SLK: variants seen among roughly 807,000 people sequenced by gnomAD.
SLK encodes STE20 like kinase, also known as STE20-like serine/threonine-protein kinase.
SLK carries 67 observed loss-of-function variants against 147.7 expected under a neutral mutation model. The ratio of observed to expected loss-of-function variants is 0.45; its 90% CI spans 0.37 to 0.56. The LOEUF is 0.56. Ranked by LOEUF, SLK falls within the 20% of genes least tolerant of loss-of-function variation. SLK has a pLI of 0.00. For synonymous variants in SLK, 441 were observed against 475.0 expected (o/e 0.93, Z 0.93); for missense variants, 1,136 against 1,438.8 (o/e 0.79, Z 3.41).
intron 1 of SLK, chr10:103,974,833 T>TCTA (rs963097183): frequency 8.9e-6 from 1 of 111,796 alleles, no homozygotes; most frequent in African/African-American, 3.5e-5. Flanking sequence ...TCTATTTTTT[T>TCTA]TTTTTTTTTT....
At chr10:103,976,476 G>GTAA (rs1843872517) in intron 1 of SLK, among the ~76,000 whole-genome samples, 1 of 151,546 alleles carries the variant, frequency 6.6e-6, no homozygotes, top group Non-Finnish European at 1.5e-5. Flanking sequence ...GAGTATAAGT[G>GTAA]GTTTTATTTA....
At position 104,003,129 on chromosome 10, in the gene SLK, A is replaced by G. The variant is rs768972185; in HGVS notation, c.1951A>G (p.Met651Val). The change falls in exon 9 of 19, where the codon ATG becomes GTG. Residue 651 changes from methionine to valine, a missense_variant. This residue lies in a region of SLK where 516 missense variants were observed against 531.3 expected (regional missense o/e 0.97). Transcript: ENST00000369755. ...CACTGAGTCAAGTAGCACTGAAGAA[A>G]TGGAGGTCAGAAGTGTGGTGGCTGA... ...EITESSSTEE[M>V]EVRSVVADTD... 6.2e-7 allele frequency: 1 copy of G among 1,614,198 alleles called. No individual in the cohort carries two copies.
intron 1 of SLK, among the ~76,000 whole-genome samples, chr10:103,986,668 GTTTTTTTTTTT>G (rs759976399): frequency 6.2e-5 from 6 of 97,244 alleles, no homozygotes; most frequent in African/African-American, 1.3e-4. Flanking sequence ...TATGTGAAGA[GTTTTTTTTTTT>G]TTTTTTTTTT....
intron 11 of SLK, 46 bp downstream of exon 11, chr10:104,006,081 A>G (rs1339454313): frequency 6.3e-7 from 1 of 1,575,248 alleles, no homozygotes; most frequent in Non-Finnish European, 8.6e-7. Flanking sequence ...TGTGTTAATA[A>G]TGACATTTAC....
intron 18 of SLK, among the ~76,000 whole-genome samples, chr10:104,022,603 G>A (rs1011391183): frequency 6.6e-5 from 10 of 152,168 alleles, no homozygotes; most frequent in African/African-American, 2.4e-4. Flanking sequence ...TGAGTTCATA[G>A]TGTGGCTTTT....
In SLK at chr10:104,002,380, T is replaced by C. The variant is rs776464740; in HGVS notation, c.1202T>C (p.Ile401Thr). 2.5e-6 allele frequency: 4 copies of C among 1,613,490 alleles called. No individual in the cohort carries two copies. In the East Asian group the frequency reaches 8.9e-5, roughly 36 times the overall value. The change falls in exon 9 of 19, where the codon ATT becomes ACT. Residue 401 changes from isoleucine to threonine, a missense_variant. By Grantham distance (89) the Ile-to-Thr change is moderately conservative. Transcript: ENST00000369755. ...EKAVEDINEH[I>T]TDAQLEAMTE... ...GCTGTGGAGGATATTAATGAACATA[T>C]TACCGATGCTCAGTTAGAAGCAATG...
At position 103,992,459 on chromosome 10, in the gene SLK, C is replaced by T. The variant is rs960863511; in HGVS notation, c.316-139C>T. The T allele has an allele frequency of 8.8e-5, 63 of 715,408 alleles. 1 individual carries two copies. The Middle Eastern group carries it at 1.5e-3, about 18-fold the overall frequency. 44.3% of individuals were successfully genotyped at this position (715,408 alleles called of 1,614,324 possible). A position where few individuals can be genotyped will look rare whatever the true frequency, so the allele number is the denominator to read the frequency against. ...TTTGTAACTCTTTTGACAAAATCTT[C>T]GTTTAGTATATCGTTTCCATAACCA... On this transcript the variant is annotated intron_variant, in intron 2 of 18. Coordinates refer to ENST00000369755, the MANE Select transcript of SLK (RefSeq NM_014720.4).
chr10:104,003,294 C>G lies in SLK; in HGVS notation c.2116C>G (p.Gln706Glu). 6.2e-7 allele frequency: 1 copy of G among 1,614,078 alleles called. No homozygotes were observed. The highest frequency in any genetic ancestry group is 8.5e-7 in the Non-Finnish European group (1 of 1,179,938). ...TGTAGTTTCACAGCCCACTGAACCT[C>G]AGCCTGTTCTAATACCCAGTATTAA... ...VTVVSQPTEPQPVLIPSININ... is the reference protein window; with the variant it reads ...VTVVSQPTEPEPVLIPSININ... Residue 706 changes from glutamine to glutamate, a missense_variant, in exon 9 of 19, where the codon CAG (glutamine) becomes GAG (glutamate). Transcript: ENST00000369755.
intron 7 of SLK, among the ~76,000 whole-genome samples, chr10:104,000,616 A>G (rs1844233150): frequency 6.6e-6 from 1 of 152,244 alleles, no homozygotes; most frequent in Non-Finnish European, 1.5e-5. Flanking sequence ...TGTTGAGTAT[A>G]CAAAGATGAG....
Position 104,021,554 on chromosome 10 carries a change from T to G in SLK, c.3448-66T>G. On this transcript the variant is annotated intron_variant, in intron 17 of 18. Coordinates refer to ENST00000369755, the MANE Select transcript of SLK (RefSeq NM_014720.4). ...ATGAGTAATTTATTATTATGGAAGA[T>G]AATTGTATTTGTGAAAAATTGCTTA... The G allele has an allele frequency of 2.5e-6, 2 of 806,946 alleles. 1 individual carries two copies. The highest frequency in any genetic ancestry group is 5.0e-5 in the East Asian group (2 of 40,074). The allele number at this position is 806,946 out of a possible 1,614,324, so 50.0% of individuals were successfully genotyped here.
chr10:104,006,049 G>C lies in SLK; in HGVS notation c.2604+14G>C, dbSNP rs1589540403. 10 of 1,603,670 alleles carry C rather than the reference G, an allele frequency of 6.2e-6. No individual in the cohort carries two copies. The highest frequency in any genetic ancestry group is 1.7e-4 in the Middle Eastern group (1 of 6,058). On this transcript the variant is annotated intron_variant, in intron 11 of 18. Coordinates refer to ENST00000369755, the MANE Select transcript of SLK (RefSeq NM_014720.4). ...CAGGAAATGATGGTAAAGTCTGATT[G>C]TTATACCATTTTATATCATTTTGTG...
At chr10:104,025,549 A>G (rs1339001220) in intron 18 of SLK, 25 bp from the exon 19 acceptor site, 1 of 1,610,244 alleles carries the variant, frequency 6.2e-7, no homozygotes, top group African/African-American at 1.3e-5. Context: ...GCACATAGCA[A>G]TTTCTTTTTC....
At position 104,006,013 on chromosome 10, in the gene SLK, G is replaced by A. The variant is rs763187071; in HGVS notation, c.2582G>A (p.Arg861Gln). Residue 861 changes from arginine to glutamine, a missense_variant, in exon 11 of 19, where the codon CGG (arginine) becomes CAG (glutamine). Transcript: ENST00000369755. ...CAGCAACAACGAGAACAAATTTTCCGGCGCTTTGAGCAGGAAATGATGGTA... is the reference window on the plus strand; with the variant it reads ...CAGCAACAACGAGAACAAATTTTCCAGCGCTTTGAGCAGGAAATGATGGTA... Reference protein sequence around the residue: ...KLQQQREQIFRRFEQEMMSKK... With the variant: ...KLQQQREQIFQRFEQEMMSKK... 6 of 1,612,424 alleles carry A rather than the reference G, an allele frequency of 3.7e-6. No individual in the cohort carries two copies. Among genetic ancestry groups the A allele is most frequent in the Non-Finnish European group, 5.1e-6 (6 of 1,179,546 alleles).
Position 103,999,922 on chromosome 10 carries a change from AG to A in SLK, c.840del (p.Arg280SerfsTer24). The A allele has an allele frequency of 6.4e-7, 1 of 1,559,062 alleles. No homozygotes were observed. Among genetic ancestry groups the A allele is most frequent in the Non-Finnish European group, 8.8e-7 (1 of 1,138,772 alleles). On this transcript the variant is annotated frameshift_variant, in exon 7 of 19. Transcript: ENST00000369755. LOFTEE classifies it high-confidence loss of function. ...KKCLEKNVDA[R>X]WTTSQLLQHP... is the part of the protein sequence containing the mutation. The stretch of plus-strand genomic sequence containing the variant: ...ATGCTTAGAAAAGAATGTGGATGCC[AG>A]GTGGACTACATCTCAGCTGCTGCAG...
At chr10:104,009,586 GC>G (rs1844373035) in intron 12 of SLK, among the ~76,000 whole-genome samples, 1 of 151,894 alleles carries the variant, frequency 6.6e-6, no homozygotes, top group South Asian at 2.1e-4. Context: ...CATTACTGGG[GC>G]TACATGTTAA....
At chr10:104,001,038 GAT>G (rs1405174463) in intron 7 of SLK, among the ~76,000 whole-genome samples, 2 of 114,586 alleles carry the variant, frequency 1.7e-5, no homozygotes, top group Non-Finnish European at 3.3e-5. Flanking sequence ...TAGCCTGAGT[GAT>G]AGAGTGAGAC....
Position 104,018,178 on chromosome 10 carries a change from A to G in SLK, c.2896A>G (p.Lys966Glu). Residue 966 changes from lysine to glutamate, a missense_variant, in exon 14 of 19, where the codon AAA becomes GAA. By Grantham distance (56) the Lys-to-Glu change is moderately conservative. This residue lies in a region of SLK where 327 missense variants were observed against 457.5 expected (regional missense o/e 0.71). Transcript: ENST00000369755. ...QHAQEQEFVQ[K>E]QQQELDGSLK... ...TTAATAGGAACAAGAGTTTGTTCAG[A>G]AACAACAGCAAGAATTAGATGGCTC... The G allele has an allele frequency of 6.2e-7, 1 of 1,605,964 alleles. No individual in the cohort carries two copies. Among genetic ancestry groups the G allele is most frequent in the Non-Finnish European group, 8.5e-7 (1 of 1,177,438 alleles).
At chr10:103,998,726 G>T (rs1407787126) in intron 4 of SLK, among the ~76,000 whole-genome samples, 173 bp from the exon 5 acceptor site, 1 of 152,080 alleles carries the variant, frequency 6.6e-6, no homozygotes, top group Non-Finnish European at 1.5e-5. Flanking sequence ...TTGGGAGATG[G>T]TAGAAAGAGA....
At chr10:104,007,325 G>A (rs1347423712) in intron 11 of SLK, among the ~76,000 whole-genome samples, 1 of 152,088 alleles carries the variant, frequency 6.6e-6, no homozygotes, top group Non-Finnish European at 1.5e-5. Context: ...CAAATTTTGG[G>A]TCGGGCGCAG....
Sources: allele counts gnomAD v4.1 joint callset (sites outside exome capture counted in the v4.1 genomes callset), GRCh38; gene constraint gnomAD v4.1.1; regional missense constraint gnomAD v4.1.1; transcripts MANE v1.5; gene names NCBI Gene and HGNC (gene_info 2026-07-23, HGNC 2026-07-21).